Variants in VRTN observed in about 807,000 individuals in gnomAD.
The protein encoded by VRTN is vertnin.
In VRTN, 5 loss-of-function variants were observed where a neutral mutation model predicts 18.2. That is an observed-to-expected ratio of 0.27 (90% CI 0.14 to 0.58). The LOEUF is 0.58. Among genes scored for constraint, VRTN ranks in the 20% least tolerant of loss-of-function variants. VRTN has a pLI of 0.91. For synonymous variants in VRTN, 381 were observed against 393.7 expected (o/e 0.97, Z 0.38); for missense variants, 741 against 939.4 (o/e 0.79, Z 2.76).
At chr14:74,352,542 T>G (rs1206866974) in intron 1 of VRTN, among the ~76,000 whole-genome samples, 1 of 152,154 alleles carries the variant, frequency 6.6e-6, no homozygotes, top group African/African-American at 2.4e-5. Flanking sequence ...TCCTTTCAAA[T>G]GTAGCTTTTT....
chr14:74,345,896 C>G (rs1191828077), upstream of VRTN, among the ~76,000 whole-genome samples: 1 of 148,318 alleles, frequency 6.7e-6, no homozygotes, highest in Non-Finnish European at 1.5e-5. Context: ...TGCACTCCAG[C>G]CTGGGCAACA....
chr14:74,351,661 G>A (rs762146052), intron 1 of VRTN, among the ~76,000 whole-genome samples: 2 of 149,330 alleles, frequency 1.3e-5, no homozygotes, highest in African/African-American at 2.5e-5. Context: ...TTTTTTTTCC[G>A]TAGAGATGGG....
chr14:74,311,762 C>T (rs1424182136), intron 1 of VRTN, among the ~76,000 whole-genome samples: 1 of 146,526 alleles, frequency 6.8e-6, no homozygotes, highest in East Asian at 2.0e-4. Context: ...TCCATATCAG[C>T]ATATACAGAC....
intron 1 of VRTN, among the ~76,000 whole-genome samples, chr14:74,348,937 C>T (rs941980340): frequency 6.8e-6 from 1 of 147,936 alleles, no homozygotes; most frequent in Non-Finnish European, 1.5e-5. Flanking sequence ...AATGGTCTGG[C>T]CTCGGTCCCT....
At chr14:74,306,145 CATATATATATATATAT>C (rs71395615) in intron 1 of VRTN, 1 of 94,630 alleles carries the variant, frequency 1.1e-5, no homozygotes. Context: ...TAAAAATATA[CATATATATATATATAT>C]ATATATATAT....
chr14:74,340,905 G>C (rs12101208), intron 2 of VRTN, among the ~76,000 whole-genome samples: 59 of 151,792 alleles, frequency 3.9e-4, no homozygotes, highest in African/African-American at 1.4e-3. Flanking sequence ...AGCCACTCCC[G>C]GCTAATTTTT....
intron 1 of VRTN, among the ~76,000 whole-genome samples, chr14:74,324,113 G>T (rs930080060): frequency 6.6e-6 from 1 of 152,066 alleles, no homozygotes; most frequent in Admixed American, 6.6e-5. Flanking sequence ...AAGAGGCCGG[G>T]CATGGTGACT....
intron 1 of VRTN, among the ~76,000 whole-genome samples, chr14:74,326,667 G>A (rs1381118287): frequency 4.6e-5 from 7 of 152,108 alleles, no homozygotes; most frequent in Non-Finnish European, 8.8e-5. Flanking sequence ...AACAAAAGGC[G>A]CCCTGAGTCT....
At chr14:74,339,988 T>G (rs2085590199) in intron 2 of VRTN, among the ~76,000 whole-genome samples, 2 of 152,094 alleles carry the variant, frequency 1.3e-5, no homozygotes, top group Non-Finnish European at 2.9e-5. Flanking sequence ...CAGGCTAGAG[T>G]GCAGTGGCAT....
chr14:74,322,174 G>T (rs1436251587), intron 1 of VRTN, among the ~76,000 whole-genome samples: 6 of 151,470 alleles, frequency 4.0e-5, no homozygotes, highest in African/African-American at 1.2e-4. Context: ...TTGAGACAGG[G>T]TCTCACTCTG....
Position 74,356,787 on chromosome 14 carries a change from A to G in VRTN, c.4A>G (p.Thr2Ala), listed in dbSNP as rs1199386333. ...CTTTATCTTTTGCCCTGGCAGGATG[A>G]CTTCTCGGAACCAGCTGGTGCAGAA... Reference protein sequence around the residue: MTSRNQLVQKVL... With the variant: MASRNQLVQKVL... Residue 2 changes from threonine (T) to alanine (A), a missense_variant, in exon 2 of 2, where the codon ACT becomes GCT. Coordinates refer to ENST00000256362, the MANE Select transcript of VRTN (RefSeq NM_018228.3). The G allele has an allele frequency of 6.3e-7, 1 of 1,584,676 alleles. No individual in the cohort carries two copies. Among genetic ancestry groups the G allele is most frequent in the Non-Finnish European group, 8.6e-7 (1 of 1,163,948 alleles).
At chr14:74,305,572 A>G (rs544026233) in intron 1 of VRTN, 130 of 187,912 alleles carry the variant, frequency 6.9e-4, no homozygotes, top group Non-Finnish European at 1.3e-3. Context: ...GAGCTCTATC[A>G]TCTTCCAAAG....
chr14:74,321,742 G>A (rs1380664131), intron 1 of VRTN, among the ~76,000 whole-genome samples: 1 of 151,964 alleles, frequency 6.6e-6, no homozygotes, highest in Non-Finnish European at 1.5e-5. Context: ...GACCTCAGGT[G>A]ATTCACTTGC....
At chr14:74,331,396 G>A (rs1409335257) in intron 1 of VRTN, among the ~76,000 whole-genome samples, 2 of 150,696 alleles carry the variant, frequency 1.3e-5, no homozygotes, top group East Asian at 3.9e-4. Context: ...AGGCATGGTA[G>A]CAGGTGCCTG....
chr14:74,315,850 C>A (rs1270336929), intron 1 of VRTN, among the ~76,000 whole-genome samples: 1 of 152,108 alleles, frequency 6.6e-6, no homozygotes, highest in African/African-American at 2.4e-5. Flanking sequence ...GAGAGGTAGG[C>A]CCTACTACAG....
chr14:74,304,185 T>C (rs1236330806), intron 1 of VRTN, among the ~76,000 whole-genome samples: 1 of 151,716 alleles, frequency 6.6e-6, no homozygotes, highest in Admixed American at 6.6e-5. Flanking sequence ...AGACGGAGTT[T>C]CGCTCTTGTG....
chr14:74,357,815 C>A lies in VRTN; in HGVS notation c.1032C>A (p.Arg344=). Residue 344 remains arginine (R), a synonymous_variant, in exon 2 of 2, where the codon CGC becomes CGA. Transcript: ENST00000256362. This position sits in a 1 kb window ranked among gnomAD's most constrained non-coding sequence, Gnocchi z 7.8. ...TCCAGCGGTTCCCGGAGATCTCCCG[C>A]TCAACCTACTATGCCTGGAAGCATG... The part of the protein sequence containing the change: ...QFLQRFPEIS[R]STYYAWKHEL... 3.7e-6 allele frequency: 6 copies of A among 1,613,394 alleles called. No individual in the cohort carries two copies. The highest frequency in any genetic ancestry group is 5.1e-6 in the Non-Finnish European group (6 of 1,180,032).
At chr14:74,318,202 C>T (rs937193822) in intron 1 of VRTN, among the ~76,000 whole-genome samples, 2 of 151,934 alleles carry the variant, frequency 1.3e-5, no homozygotes, top group Non-Finnish European at 2.9e-5. Context: ...CTCCCAGGTT[C>T]AAGGGATTCT....
At chr14:74,344,508 G>A (rs944895833), upstream of VRTN, among the ~76,000 whole-genome samples, 3 of 150,970 alleles carry the variant, frequency 2.0e-5, no homozygotes, top group East Asian at 3.9e-4. Context: ...TGAGGTGGGC[G>A]GATCACTTGA....
Sources: allele counts gnomAD v4.1 joint callset (sites outside exome capture counted in the v4.1 genomes callset), GRCh38; gene constraint gnomAD v4.1.1; non-coding constraint Gnocchi (gnomAD v3.1); transcripts MANE v1.5; gene names NCBI Gene and HGNC (gene_info 2026-07-23, HGNC 2026-07-21).